The following ACAA2 variants were observed in gnomAD, a reference collection of about 807,000 sequenced individuals.
ACAA2 encodes the protein 3-ketoacyl-CoA thiolase, mitochondrial.
ACAA2 carries 35 observed loss-of-function variants against 44.8 expected under a neutral mutation model. The observed-to-expected ratio is 0.78, with a 90% CI of 0.60 to 1.04. ACAA2 has a LOEUF of 1.04. ACAA2 is among the 50% of genes least tolerant of loss of function. The pLI, the probability that ACAA2 is intolerant of heterozygous loss-of-function variation, is 0.00. For synonymous variants in ACAA2, 142 were observed against 166.5 expected, an observed-to-expected ratio of 0.85 and a Z score of 1.13; for missense variants, 468 against 482.6, an observed-to-expected ratio of 0.97 and a Z score of 0.28.
chr18:49,809,601 G>A (rs1003767315), intron 1 of ACAA2, among the ~76,000 whole-genome samples: 9 of 152,174 alleles, frequency 5.9e-5, no homozygotes, highest in Non-Finnish European at 1.0e-4. Context: ...AATGCATGTC[G>A]CTAAGTGAAA....
intron 1 of ACAA2, among the ~76,000 whole-genome samples, chr18:49,806,945 G>GAA (rs563444491): frequency 1.4e-5 from 2 of 147,176 alleles, no homozygotes; most frequent in African/African-American, 5.0e-5. Context: ...AAGAACAGAT[G>GAA]AAAAAAAAAA....
rs35932656 is a variant in ACAA2, at chr18:49,787,260, T to TAAAAAAAAA, written c.954+22_954+30dup. 529 of 1,027,748 alleles carry TAAAAAAAAA rather than the reference T, an allele frequency of 5.1e-4. 8 individuals are homozygous for TAAAAAAAAA. In the African/African-American group the frequency reaches 8.1e-3, roughly 16 times the overall value. 63.7% of individuals were successfully genotyped at this position (1,027,748 alleles called of 1,614,324 possible). A position where few individuals can be genotyped will look rare whatever the true frequency, so the allele number is the denominator to read the frequency against. ...AAAGTACATGGTTTATTCATGTTGT[T>TAAAAAAAAA]AAAAAAAAAAAAAAAAAAAAAAACA... On this transcript the variant is annotated intron_variant, in intron 8 of 9. Transcript: ENST00000285093.
chr18:49,802,848 A>C lies in ACAA2; in HGVS notation c.22T>G (p.Phe8Val). The change falls in exon 2 of 10, where the codon TTT (phenylalanine) becomes GTT (valine). Residue 8 changes from phenylalanine to valine, a missense_variant. Physicochemically the swap from Phe to Val is conservative, Grantham distance 50. Coordinates refer to ENST00000285093, the MANE Select transcript of ACAA2 (RefSeq NM_006111.3). MALLRGV[F>V]VVAAKRTPFG... is the part of the protein sequence containing the mutation. ...GGCGTTCGCTTAGCAGCAACTACAA[A>C]CACACCTATTGCAACAAGAAGAGAT... The C allele has an allele frequency of 6.2e-7, 1 of 1,614,046 alleles. No individual in the cohort carries two copies.
rs930801702 is a variant in ACAA2, at chr18:49,783,888, C to T, written c.1153G>A (p.Gly385Ser). The T allele has an allele frequency of 6.2e-7, 1 of 1,613,892 alleles. No homozygotes were observed. Among genetic ancestry groups the T allele is most frequent in the African/African-American group, 1.3e-5 (1 of 74,902 alleles). ...KYAVGSACIG[G>S]GQGIAVIIQS... ...ATGATGACAGCAATACCTTGGCCACCTCCAATGCAAGCTGATCCAACGGCA... is the reference window on the plus strand; with the variant it reads ...ATGATGACAGCAATACCTTGGCCACTTCCAATGCAAGCTGATCCAACGGCA... The change falls in exon 10 of 10, where the codon GGT (glycine) becomes AGT (serine). Residue 385 changes from glycine to serine, a missense_variant. By Grantham distance (56) the Gly-to-Ser change is moderately conservative. Transcript: ENST00000285093.
At chr18:49,794,202 T>C (rs1215352405) in intron 5 of ACAA2, 78 bp downstream of exon 5, 2 of 1,055,524 alleles carry the variant, frequency 1.9e-6, no homozygotes, top group Non-Finnish European at 2.5e-6. Flanking sequence ...AAATATTATA[T>C]AACCATAATA....
At chr18:49,811,686 T>C (rs1568592694) in intron 1 of ACAA2, among the ~76,000 whole-genome samples, 1 of 152,190 alleles carries the variant, frequency 6.6e-6, no homozygotes, top group Non-Finnish European at 1.5e-5. Flanking sequence ...CTAGCTGGCC[T>C]GTAACATCAC....
In ACAA2 at chr18:49,813,079, G is replaced by C. The variant is rs187566694; in HGVS notation, c.16+390C>G. The C allele has an allele frequency of 5.1e-3, 933 of 182,402 alleles. 10 individuals carry two copies. The highest frequency in any genetic ancestry group is 0.02 in the African/African-American group (865 of 42,866). The allele number at this position is 182,402 out of a possible 1,614,324, so 11.3% of individuals were successfully genotyped here. A position where few individuals can be genotyped will look rare whatever the true frequency, so the allele number is the denominator to read the frequency against. Reference sequence around the variant, plus strand: ...GGAGCCCTGACCACCGAGGCCGAGCGGCGGGCTCCTGTGCGCAGCTGCCCC... The same window carrying C: ...GGAGCCCTGACCACCGAGGCCGAGCCGCGGGCTCCTGTGCGCAGCTGCCCC... On this transcript the variant is annotated intron_variant, in intron 1 of 9. Transcript: ENST00000285093.
chr18:49,798,273 ATGAT>A (rs1362671769), intron 2 of ACAA2, among the ~76,000 whole-genome samples: 1 of 152,200 alleles, frequency 6.6e-6, no homozygotes, highest in Non-Finnish European at 1.5e-5. Context: ...AGACAGATGA[ATGAT>A]TGGTCAGGAG....
chr18:49,800,360 G>T (rs1177709431), intron 2 of ACAA2, among the ~76,000 whole-genome samples: 3 of 151,626 alleles, frequency 2.0e-5, no homozygotes, highest in African/African-American at 7.3e-5. Flanking sequence ...GAAGTGAGGA[G>T]CCCCTCTGCC....
intron 7 of ACAA2, among the ~76,000 whole-genome samples, chr18:49,788,091 T>G (rs1021880579): frequency 3.9e-5 from 6 of 152,372 alleles, no homozygotes; most frequent in Admixed American, 1.3e-4. Flanking sequence ...TGCAACTCCA[T>G]CTAATAAGAC....
At position 49,802,540 on chromosome 18, in the gene ACAA2, G is replaced by A. The variant is rs544058280; in HGVS notation, c.183+147C>T. On this transcript the variant is annotated intron_variant, in intron 2 of 9. Coordinates refer to ENST00000285093, the MANE Select transcript of ACAA2 (RefSeq NM_006111.3). ...TCGCACCACCATACTCCAGCCTGGC[G>A]GCAGAGCGAGACTCCATCTCAAAAA... 1.9e-4 allele frequency: 134 copies of A among 706,236 alleles called. 1 individual carries two copies. Among genetic ancestry groups the A allele is most frequent in the Middle Eastern group, 4.3e-4 (1 of 2,340 alleles). 43.7% of individuals were successfully genotyped at this position (706,236 alleles called of 1,614,324 possible).
chr18:49,798,864 TA>T (rs1209656565), intron 2 of ACAA2, among the ~76,000 whole-genome samples: 2 of 151,986 alleles, frequency 1.3e-5, no homozygotes, highest in African/African-American at 2.4e-5. Context: ...ATCAACAGAA[TA>T]AAAAAAATTT....
At position 49,802,667 on chromosome 18, in the gene ACAA2, C is replaced by A. The variant is rs1314414409; in HGVS notation, c.183+20G>T. The A allele has an allele frequency of 2.5e-6, 4 of 1,603,840 alleles. No homozygotes were observed. In the South Asian group the frequency reaches 4.5e-5, roughly 18 times the overall value. The stretch of plus-strand genomic sequence containing the variant: ...ATCAAAGAAGCAATAGGAGTGAACA[C>A]CTTCCTTTACTCTACTAACCTGCAG... On this transcript the variant is annotated intron_variant, in intron 2 of 9. Transcript: ENST00000285093.
Position 49,791,534 on chromosome 18 carries a change from G to C in ACAA2, c.819C>G (p.Phe273Leu). Residue 273 changes from phenylalanine (F) to leucine (L), a missense_variant, in exon 7 of 10, where the codon TTC (phenylalanine) becomes TTG (leucine). Physicochemically the swap from Phe to Leu is conservative, Grantham distance 22. Transcript: ENST00000285093. ...ASEDAVKKHN[F>L]TPLARIVGYF... ...AGCCCACAATTCTTGCCAGTGGTGT[G>C]AAGTTATGTTTCTTAACAGCATCTT... 6.2e-7 allele frequency: 1 copy of C among 1,612,904 alleles called. No homozygotes were observed. The highest frequency in any genetic ancestry group is 8.5e-7 in the Non-Finnish European group (1 of 1,179,826).
intron 1 of ACAA2, among the ~76,000 whole-genome samples, chr18:49,810,181 T>G (rs1476396378): frequency 2.6e-5 from 4 of 152,142 alleles, no homozygotes; most frequent in Non-Finnish European, 5.9e-5. Flanking sequence ...ATTTCCAAAT[T>G]TGATAAAAAA....
At position 49,787,260 on chromosome 18, in the gene ACAA2, T is replaced by TAAAAAA. The variant is rs35932656; in HGVS notation, c.954+25_954+30dup. On this transcript the variant is annotated intron_variant, in intron 8 of 9. Coordinates refer to ENST00000285093, the MANE Select transcript of ACAA2 (RefSeq NM_006111.3). ...AAAGTACATGGTTTATTCATGTTGT[T>TAAAAAA]AAAAAAAAAAAAAAAAAAAAAAACA... The TAAAAAA allele has an allele frequency of 3.0e-3, 3,053 of 1,022,674 alleles. 22 individuals carry two copies. The highest frequency in any genetic ancestry group is 7.9e-3 in the South Asian group (351 of 44,642). 63.3% of individuals were successfully genotyped at this position (1,022,674 alleles called of 1,614,324 possible).
intron 6 of ACAA2, 83 bp from the exon 7 acceptor site, chr18:49,791,682 G>C (rs1197347264): frequency 7.0e-7 from 1 of 1,423,098 alleles, no homozygotes; most frequent in Non-Finnish European, 9.7e-7. Flanking sequence ...AGTAGTATTA[G>C]GAATATGGCA....
chr18:49,811,825 G>A (rs1790488), intron 1 of ACAA2, among the ~76,000 whole-genome samples: 65,199 of 151,862 alleles, frequency 0.43, 14,682 homozygotes, highest in Middle Eastern at 0.56. Context: ...AAAAAAATAC[G>A]ATCACTAGCT....
At chr18:49,796,613 T>C (rs2023467866) in intron 3 of ACAA2, among the ~76,000 whole-genome samples, 1 of 152,198 alleles carries the variant, frequency 6.6e-6, no homozygotes, top group African/African-American at 2.4e-5. Context: ...AACTGTCCTT[T>C]AAAAAGGTCA....
Sources: gnomAD v4.1 joint callset for allele counts (sites outside exome capture counted in the v4.1 genomes callset) on GRCh38, gnomAD v4.1.1 for gene constraint, MANE v1.5 for transcripts, NCBI Gene and HGNC (gene_info 2026-07-23, HGNC 2026-07-21) for gene names.